FN1: variants seen among roughly 807,000 people sequenced by gnomAD.
The protein encoded by FN1 is fibronectin.
A neutral mutation model predicts 297.3 loss-of-function variants in FN1; 106 were observed. The ratio of observed to expected loss-of-function variants is 0.36; its 90% CI spans 0.30 to 0.42. The LOEUF is 0.42. Among genes scored for constraint, FN1 ranks in the 10% least tolerant of loss-of-function variants. The pLI, the probability that FN1 is intolerant of heterozygous loss-of-function variation, is 1.00. For missense variants in FN1, 2,690 were observed against 3,124.9 expected (o/e 0.86, Z 3.32); for synonymous variants, 1,149 against 1,152.6 (o/e 1.00, Z 0.06).
rs1314553774 is a variant in FN1 at position 215,397,202 on chromosome 2, A to G, written c.3539T>C (p.Leu1180Ser). ...AGTGTCAGGGTTTGCCTCCAGATGC[A>G]AGTTTGTTGGTGGAGACAATGCTAT... Reference protein sequence around the residue: ...VVTPLSPPTNLHLEANPDTGV... With the variant: ...VVTPLSPPTNSHLEANPDTGV... Residue 1180 changes from leucine to serine, a missense_variant, in exon 23 of 46, where the codon TTG becomes TCG. Coordinates refer to ENST00000354785, the MANE Select transcript of FN1 (RefSeq NM_212482.4). The G allele has an allele frequency of 6.2e-7, 1 of 1,613,714 alleles. No homozygotes were observed. The highest frequency in any genetic ancestry group is 8.5e-7 in the Non-Finnish European group (1 of 1,179,622).
At chr2:215,372,445 A>C (rs1156344521) in intron 39 of FN1, 70 bp from the exon 40 acceptor site, 8 of 1,143,954 alleles carry the variant, frequency 7.0e-6, no homozygotes, top group Non-Finnish European at 1.1e-5. Context: ...CAATGATAAT[A>C]ATCGATTCAG....
At chr2:215,367,364 A>T (rs1575196914) in intron 42 of FN1, among the ~76,000 whole-genome samples, 2 of 152,198 alleles carry the variant, frequency 1.3e-5, no homozygotes, top group Admixed American at 6.5e-5. Flanking sequence ...TCATATTTCT[A>T]GCAACGTTCA....
At position 215,428,313 on chromosome 2, in the gene FN1, C is replaced by G. The variant is rs1490580581; in HGVS notation, c.711G>C (p.Arg237Ser). 6.2e-7 allele frequency: 1 copy of G among 1,614,134 alleles called. No homozygotes were observed. Among genetic ancestry groups the G allele is most frequent in the Admixed American group, 1.7e-5 (1 of 60,028 alleles). ...SRNRCNDQDT[R>S]TSYRIGDTWS... Reference sequence around the variant, plus strand: ...AGGTGTCTCCAATTCTATAGGATGTCCTTGTGTCCTGATCGTTGCATCTAT... The same window carrying G: ...AGGTGTCTCCAATTCTATAGGATGTGCTTGTGTCCTGATCGTTGCATCTAT... The change falls in exon 6 of 46, where the codon AGG becomes AGC. Residue 237 changes from arginine (R) to serine (S), a missense_variant. Transcript: ENST00000354785.
At chr2:215,422,716 T>C (rs2064626925) in intron 9 of FN1, among the ~76,000 whole-genome samples, 1 of 152,242 alleles carries the variant, frequency 6.6e-6, no homozygotes, top group Non-Finnish European at 1.5e-5. Context: ...ATAGTCACAC[T>C]TGACAGTGCC....
Position 215,380,868 on chromosome 2 carries a change from C to T in FN1, c.5377G>A (p.Val1793Met), listed in dbSNP as rs1350242849. 6.2e-7 allele frequency: 1 copy of T among 1,614,124 alleles called. No individual in the cohort carries two copies. Among genetic ancestry groups the T allele is most frequent in the Non-Finnish European group, 8.5e-7 (1 of 1,180,024 alleles). ...LRPGSEYTVS[V>M]VALHDDMESQ... The stretch of plus-strand genomic sequence containing the variant: ...TCCATATCATCGTGCAAGGCAACCA[C>T]ACTGACTGTGTACTCAGAACCCGGT... The change falls in exon 33 of 46, where the codon GTG becomes ATG. Residue 1793 changes from valine to methionine, a missense_variant. Around this residue, in one of 3 missense-constraint regions of FN1, gnomAD observed 1,743 missense variants for 1,945.2 expected, o/e 0.90. Transcript: ENST00000354785.
At chr2:215,381,911 G>C (rs80101349) in intron 32 of FN1, 1 of 377,222 alleles carries the variant, frequency 2.7e-6, no homozygotes, top group African/African-American at 2.1e-5. Context: ...TAGAAAAGAC[G>C]GTCTAGGAAA....
rs774030542 is a variant in FN1, at chr2:215,420,674, G to C, written c.1674C>G (p.Val558=). The C allele has an allele frequency of 1.2e-6, 2 of 1,613,920 alleles. No homozygotes were observed. The highest frequency in any genetic ancestry group is 1.7e-6 in the Non-Finnish European group (2 of 1,179,974). Residue 558 remains valine, a splice_region_variant and synonymous_variant, in exon 11 of 46, where the codon GTC becomes GTG. Coordinates refer to ENST00000354785, the MANE Select transcript of FN1 (RefSeq NM_212482.4). ...ATCTAGGGAAATAGGGCTACTCACC[G>C]ACGGGATCACACTTCCACCTGCCCC... ...QGRGRWKCDP[V]DQCQDSETGT... is the part of the protein sequence containing the mutation.
chr2:215,389,826 G>A (rs1403708007), intron 26 of FN1, among the ~76,000 whole-genome samples: 1 of 151,808 alleles, frequency 6.6e-6, no homozygotes, highest in Non-Finnish European at 1.5e-5. Flanking sequence ...AAAAAACCTA[G>A]ATGGTAGAGC....
Position 215,367,866 on chromosome 2 carries a change from A to G in FN1, c.7015T>C (p.Ser2339Pro), listed in dbSNP as rs777406154. The change falls in exon 42 of 46, where the codon TCT becomes CCT. Residue 2339 changes from serine (S) to proline (P), a missense_variant. This residue lies in a region of FN1 where 1,743 missense variants were observed against 1,945.2 expected (regional missense o/e 0.90). Transcript: ENST00000354785. ...GATGGACAAAGCAACTACTCACTAG[A>G]TGAATCACATCTGAAATGACCACTT... ...FGSGHFRCDSSRWCHDNGVNY... is the reference protein window; with the variant it reads ...FGSGHFRCDSPRWCHDNGVNY... 6.2e-7 allele frequency: 1 copy of G among 1,613,994 alleles called. No individual in the cohort carries two copies. Among genetic ancestry groups the G allele is most frequent in the Admixed American group, 1.7e-5 (1 of 60,020 alleles).
intron 30 of FN1, 72 bp downstream of exon 30, chr2:215,383,948 C>T: frequency 1.3e-6 from 2 of 1,530,860 alleles, no homozygotes; most frequent in East Asian, 4.5e-5. Context: ...TAGAAAAATA[C>T]CTTGGGAGAA....
intron 5 of FN1, among the ~76,000 whole-genome samples, chr2:215,429,632 C>T (rs1035864523): frequency 6.6e-6 from 1 of 152,206 alleles, no homozygotes; most frequent in Non-Finnish European, 1.5e-5. Context: ...CATAGCACTA[C>T]TTTCAGTATT....
At chr2:215,419,529 TCA>T (rs1219549356) in intron 11 of FN1, 144 bp from the exon 12 acceptor site, 1 of 746,720 alleles carries the variant, frequency 1.3e-6, no homozygotes, top group Non-Finnish European at 2.3e-6. Context: ...AATATTTTGT[TCA>T]CATTCTTTAC....
intron 35 of FN1, among the ~76,000 whole-genome samples, chr2:215,377,701 C>A (rs2057549241): frequency 1.3e-5 from 2 of 149,932 alleles, no homozygotes; most frequent in Admixed American, 1.4e-4. Flanking sequence ...GCCTAATATG[C>A]ATTGTTAAGA....
chr2:215,376,284 C>G (rs531239467), intron 36 of FN1, among the ~76,000 whole-genome samples: 1 of 151,802 alleles, frequency 6.6e-6, no homozygotes, highest in South Asian at 2.1e-4. Flanking sequence ...TTGATTGACA[C>G]TTACGCAATT....
At chr2:215,389,851 AG>A (rs2059507087) in intron 26 of FN1, among the ~76,000 whole-genome samples, 2 of 152,142 alleles carry the variant, frequency 1.3e-5, no homozygotes, top group Non-Finnish European at 2.9e-5. Context: ...GACACACCTA[AG>A]CTATAAGCTA....
chr2:215,389,185 C>A (rs1392174673), intron 26 of FN1, among the ~76,000 whole-genome samples: 1 of 152,016 alleles, frequency 6.6e-6, no homozygotes, highest in Non-Finnish European at 1.5e-5. Flanking sequence ...CTCACTGAAA[C>A]CTCTGCCTCC....
intron 9 of FN1, 137 bp from the exon 10 acceptor site, chr2:215,422,380 T>G: frequency 1.2e-6 from 1 of 865,346 alleles, no homozygotes; most frequent in Non-Finnish European, 2.0e-6. Flanking sequence ...ATCAAAGACA[T>G]CTAAGTGCTG....
rs141400341 is a variant in FN1, at chr2:215,406,328, C to T, written c.2896G>A (p.Gly966Arg). ...ISRNTFAEVT[G>R]LSPGVTYYFK... ...TAATAGGTGACCCCAGGGGACAGCC[C>T]GGTGACTTCTGCAAAGGTGTTCCTG... Residue 966 changes from glycine to arginine, a missense_variant, in exon 19 of 46, where the codon GGG becomes AGG. Around this residue, in one of 3 missense-constraint regions of FN1, gnomAD observed 1,743 missense variants for 1,945.2 expected, o/e 0.90. Coordinates refer to ENST00000354785, the MANE Select transcript of FN1 (RefSeq NM_212482.4). 1.8e-4 allele frequency: 288 copies of T among 1,614,064 alleles called. 1 individual carries two copies. Among genetic ancestry groups the T allele is most frequent in the East Asian group, 1.3e-4 (6 of 44,884 alleles).
intron 40 of FN1, 113 bp from the exon 41 acceptor site, chr2:215,370,545 A>C: frequency 2.4e-5 from 12 of 491,798 alleles, no homozygotes; most frequent in Non-Finnish European, 3.3e-5. Context: ...GAAGACAAAA[A>C]ACAAAAAACA....
Sources: allele counts gnomAD v4.1 joint callset (sites outside exome capture counted in the v4.1 genomes callset), GRCh38; gene constraint gnomAD v4.1.1; regional missense constraint gnomAD v4.1.1; transcripts MANE v1.5; gene names NCBI Gene and HGNC (gene_info 2026-07-23, HGNC 2026-07-21).